OAS2: variants seen among roughly 807,000 people sequenced by gnomAD.
OAS2 encodes the protein 2'-5'-oligoadenylate synthase 2.
Under a neutral mutation model 71.3 loss-of-function variants are expected in OAS2, and 67 were observed. The ratio of observed to expected loss-of-function variants is 0.94; its 90% CI spans 0.77 to 1.15. OAS2 has a LOEUF of 1.15. Ranked by LOEUF, OAS2 falls within the 50% of genes most tolerant of loss-of-function variation. The pLI is 0.00. For synonymous variants in OAS2, 327 were observed against 321.8 expected (o/e 1.02, Z -0.17); for missense variants, 789 against 822.5 (o/e 0.96, Z 0.50).
At chr12:113,009,045 T>C (rs771180911) in intron 9 of OAS2, 42 bp from the exon 10 acceptor site, 1 of 1,584,672 alleles carries the variant, frequency 6.3e-7, no homozygotes, top group Non-Finnish European at 8.6e-7. Flanking sequence ...CTGAAGTCAC[T>C]GGGATTTGGA....
In OAS2 at chr12:112,997,485, C is replaced by A. The variant is rs761956050; in HGVS notation, c.628-35C>A. ...TCCCTGACATGGTAAGAACTAGATC[C>A]CCCAATGAGCTGCTACCCTTTCCTT... On this transcript the variant is annotated intron_variant, in intron 3 of 9. Transcript: ENST00000392583. The A allele has an allele frequency of 2.6e-6, 4 of 1,565,048 alleles. No individual in the cohort carries two copies. In the South Asian group the frequency reaches 4.5e-5, roughly 18 times the overall value.
intron 1 of OAS2, among the ~76,000 whole-genome samples, chr12:112,979,665 G>C (rs2044061467): frequency 6.6e-6 from 1 of 152,164 alleles, no homozygotes. Flanking sequence ...CCAGATCAAA[G>C]TGTCCAGCTT....
At chr12:113,008,066 C>A in intron 9 of OAS2, 123 bp downstream of exon 9, 1 of 739,290 alleles carries the variant, frequency 1.4e-6, no homozygotes, top group Non-Finnish European at 2.4e-6. Context: ...AAGTGCTAGC[C>A]AACAGAACCT....
In OAS2 at chr12:112,995,318, C is replaced by T. The variant is rs757037017; in HGVS notation, c.471C>T (p.Pro157=). 1 of 1,612,664 alleles carries T rather than the reference C, an allele frequency of 6.2e-7. No homozygotes were observed. Among genetic ancestry groups the T allele is most frequent in the South Asian group, 1.1e-5 (1 of 90,598 alleles). Residue 157 remains proline, a synonymous_variant, in exon 3 of 10, where the codon CCC becomes CCT. Transcript: ENST00000392583. ...CAGGCTTAAATGATAATCCCAGCCC[C>T]TGGATCTATCGAGAGCTCAAAAGAT... ...NALSLNDNPS[P]WIYRELKRSL...
chr12:113,001,426 GCA>G (rs1419915338), intron 5 of OAS2, among the ~76,000 whole-genome samples: 1 of 141,408 alleles, frequency 7.1e-6, no homozygotes, highest in East Asian at 2.0e-4. Flanking sequence ...ACACATATAT[GCA>G]CATATATATA....
At position 113,007,945 on chromosome 12, in the gene OAS2, T is replaced by A. The variant is rs752675863; in HGVS notation, c.1895+2T>A. 29 of 1,605,742 alleles carry A rather than the reference T, an allele frequency of 1.8e-5. No homozygotes were observed. The South Asian group carries it at 3.1e-4, about 17-fold the overall frequency. The stretch of plus-strand genomic sequence containing the variant: ...ACTGAGCCAGTTGCAGAAAACCAGG[T>A]GCCTTCACCCTAGCCCCGTACTTTT... On this transcript the variant is annotated splice_donor_variant, in intron 9 of 9. Coordinates refer to ENST00000392583, the MANE Select transcript of OAS2 (RefSeq NM_002535.3). LOFTEE classifies it high-confidence loss of function.
intron 5 of OAS2, 104 bp from the exon 6 acceptor site, chr12:113,002,828 G>C: frequency 1.1e-6 from 1 of 931,540 alleles, no homozygotes; most frequent in Non-Finnish European, 1.7e-6. Flanking sequence ...GAGCAGGAGG[G>C]CAGTTGGGAG....
chr12:112,984,370 G>T (rs2044112997), intron 1 of OAS2, among the ~76,000 whole-genome samples: 1 of 152,132 alleles, frequency 6.6e-6, no homozygotes, highest in Non-Finnish European at 1.5e-5. Context: ...TACTCTGTCT[G>T]ATATAAGTAT....
At chr12:112,979,667 G>A (rs1284650691) in intron 1 of OAS2, among the ~76,000 whole-genome samples, 2 of 152,016 alleles carry the variant, frequency 1.3e-5, no homozygotes, top group African/African-American at 2.4e-5. Context: ...AGATCAAAGT[G>A]TCCAGCTTGA....
chr12:113,005,365 A>G, intron 7 of OAS2, 143 bp downstream of exon 7: 2 of 757,792 alleles, frequency 2.6e-6, no homozygotes, highest in Admixed American at 5.6e-5. Context: ...TGGCAGTAAT[A>G]CTTCACACTT....
rs775014374 is a variant in OAS2, at chr12:112,997,613, AACTTTG to A, written c.724_729del (p.Phe242_Asp243del). 4 of 1,614,140 alleles carry A rather than the reference AACTTTG, an allele frequency of 2.5e-6. No homozygotes were observed. The highest frequency in any genetic ancestry group is 3.3e-5 in the Admixed American group (2 of 60,022). ...CTGGGAACAGGGGTGCAGAAAAGAC[AACTTTG>A]ACATTGCTGAAGGCGTCAGAACCGT... is the stretch of plus-strand genomic sequence containing the variant. On this transcript the variant is annotated inframe_deletion, in exon 4 of 10. Transcript: ENST00000392583.
intron 1 of OAS2, among the ~76,000 whole-genome samples, chr12:112,981,005 T>C (rs2044076526): frequency 1.3e-5 from 2 of 152,236 alleles, no homozygotes; most frequent in Admixed American, 1.3e-4. Flanking sequence ...TTGGCCATTT[T>C]GTATGTCTTC....
intron 1 of OAS2, among the ~76,000 whole-genome samples, chr12:112,985,833 C>T (rs563596304): frequency 7.9e-5 from 12 of 152,262 alleles, no homozygotes; most frequent in African/African-American, 2.2e-4. Flanking sequence ...CTCTGCTGGG[C>T]ATGATGGCTC....
chr12:113,008,239 C>T (rs560864200), intron 9 of OAS2, among the ~76,000 whole-genome samples: 186 of 152,212 alleles, frequency 1.2e-3, no homozygotes, highest in Non-Finnish European at 2.1e-3. Context: ...ATTCACGGGC[C>T]GATTTATCCT....
At chr12:112,990,009 G>A (rs1473407568) in intron 2 of OAS2, among the ~76,000 whole-genome samples, 1 of 152,130 alleles carries the variant, frequency 6.6e-6, no homozygotes, top group African/African-American at 2.4e-5. Flanking sequence ...TGGGGCAATG[G>A]CTTCCTAATT....
Position 113,007,798 on chromosome 12 carries a change from C to A in OAS2, c.1750C>A (p.Pro584Thr). 1 of 1,614,098 alleles carries A rather than the reference C, an allele frequency of 6.2e-7. No homozygotes were observed. The highest frequency in any genetic ancestry group is 8.5e-7 in the Non-Finnish European group (1 of 1,179,974). The change falls in exon 9 of 10, where the codon CCG (proline) becomes ACG (threonine). Residue 584 changes from proline to threonine, a missense_variant. Transcript: ENST00000392583. ...TGCCTGGGAGCAGGGGAGTGGAGTGCCGGATTTTGACACTGCAGAAGGTTT... is the reference window on the plus strand; with the variant it reads ...TGCCTGGGAGCAGGGGAGTGGAGTGACGGATTTTGACACTGCAGAAGGTTT... Reference protein sequence around the residue: ...IYAWEQGSGVPDFDTAEGFRT... With the variant: ...IYAWEQGSGVTDFDTAEGFRT...
chr12:112,983,811 C>T (rs1294403900), intron 1 of OAS2, among the ~76,000 whole-genome samples: 1 of 152,138 alleles, frequency 6.6e-6, no homozygotes, highest in Non-Finnish European at 1.5e-5. Flanking sequence ...TGGTAAGTAT[C>T]CATTAAGATA....
In OAS2 at chr12:113,004,881, C is replaced by T. The variant is rs549892168; in HGVS notation, c.1180-53C>T. On this transcript the variant is annotated intron_variant, in intron 6 of 9. Coordinates refer to ENST00000392583, the MANE Select transcript of OAS2 (RefSeq NM_002535.3). ...CAACTGGTGCCAGCCCACGGGGGCA[C>T]GGGACTCCTCGGTTAAGGAAATTCT... 258 of 1,586,254 alleles carry T rather than the reference C, an allele frequency of 1.6e-4. 4 individuals are homozygous for T. In the South Asian group the frequency reaches 2.3e-3, roughly 14 times the overall value.
intron 2 of OAS2, among the ~76,000 whole-genome samples, chr12:112,992,414 G>GA (rs1183455625): frequency 7.4e-6 from 1 of 134,548 alleles, no homozygotes; most frequent in Non-Finnish European, 1.6e-5. Context: ...AAGAAAGAAA[G>GA]AAAAGAAAAG....
Sources: allele counts gnomAD v4.1 joint callset (sites outside exome capture counted in the v4.1 genomes callset), GRCh38; gene constraint gnomAD v4.1.1; transcripts MANE v1.5; gene names NCBI Gene and HGNC (gene_info 2026-07-23, HGNC 2026-07-21).